GIT1: variants seen among roughly 807,000 people sequenced by gnomAD.
GIT1 encodes ARF GTPase-activating protein GIT1.
A neutral mutation model predicts 91.7 loss-of-function variants in GIT1; 14 were observed. The observed-to-expected ratio is 0.15, with a 90% CI of 0.10 to 0.24. The LOEUF is 0.24. Among genes scored for constraint, GIT1 ranks in the 10% least tolerant of loss-of-function variants. The pLI is 1.00. For missense variants in GIT1, 717 were observed against 1,024.9 expected (o/e 0.70, Z 4.10); for synonymous variants, 414 against 418.2 (o/e 0.99, Z 0.12).
chr17:29,577,498 A>G (rs1335191606), intron 10 of GIT1, 147 bp downstream of exon 10: 16 of 703,650 alleles, frequency 2.3e-5, no homozygotes, highest in African/African-American at 1.1e-4. Flanking sequence ...CAGCCTCCTG[A>G]CCTTCCCAAA....
In GIT1 at chr17:29,581,227, G is replaced by C. The variant is rs145227770; in HGVS notation, c.761+111C>G. 581 of 791,516 alleles carry C rather than the reference G, an allele frequency of 7.3e-4. 4 individuals are homozygous for C. In the East Asian group the frequency reaches 0.014, roughly 19 times the overall value. 49.0% of individuals were successfully genotyped at this position (791,516 alleles called of 1,614,324 possible). A position where few individuals can be genotyped will look rare whatever the true frequency, so the allele number is the denominator to read the frequency against. ...ACTAAGCTGTGCCTCTAGTCTCTGG[G>C]GGGAGGGAGCAGGGTCCTAGGCCTC... On this transcript the variant is annotated intron_variant, in intron 7 of 19. Coordinates refer to ENST00000225394, the MANE Select transcript of GIT1 (RefSeq NM_014030.4). The surrounding 1 kb of genome is among the most constrained non-coding windows in gnomAD (Gnocchi z 4.8).
At chr17:29,583,677 C>G (rs1342871187) in intron 1 of GIT1, 61 bp from the exon 2 acceptor site, 2 of 1,510,246 alleles carry the variant, frequency 1.3e-6, no homozygotes, top group Non-Finnish European at 1.8e-6. Flanking sequence ...TCCTGAGCAC[C>G]TGCTCTGGCC....
chr17:29,585,815 G>C (rs1243114377), intron 1 of GIT1, among the ~76,000 whole-genome samples: 1 of 152,194 alleles, frequency 6.6e-6, no homozygotes, highest in Non-Finnish European at 1.5e-5. Context: ...GACAGGAACT[G>C]TAAGGGAACT....
Position 29,575,473 on chromosome 17 carries a change from G to A in GIT1, c.1827-3C>T, listed in dbSNP as rs374087485. The A allele has an allele frequency of 6.3e-7, 1 of 1,599,440 alleles. No homozygotes were observed. Among genetic ancestry groups the A allele is most frequent in the Non-Finnish European group, 8.5e-7 (1 of 1,172,848 alleles). On this transcript the variant is annotated splice_region_variant and splice_polypyrimidine_tract_variant and intron_variant, in intron 17 of 19. Coordinates refer to ENST00000225394, the MANE Select transcript of GIT1 (RefSeq NM_014030.4). This position sits in a 1 kb window ranked among gnomAD's most constrained non-coding sequence, Gnocchi z 5.5. The stretch of plus-strand genomic sequence containing the variant: ...CTAGAAACCTCTTCCCTTCCAGCCT[G>A]AGGCCCAGGTCCAGAAAACAGAGAC...
At chr17:29,580,967 C>T (rs190834005) in intron 7 of GIT1, 16 of 255,058 alleles carry the variant, frequency 6.3e-5, no homozygotes, top group Middle Eastern at 1.5e-3. Flanking sequence ...TTGGTAGAGA[C>T]GGGGTTTCTC....
chr17:29,587,067 A>T (rs2033616598), intron 1 of GIT1, among the ~76,000 whole-genome samples: 2 of 151,814 alleles, frequency 1.3e-5, no homozygotes, highest in Non-Finnish European at 2.9e-5. Context: ...CCCTGGCCCC[A>T]CTCCTGTGGT....
At chr17:29,579,368 G>GATACGGC in intron 7 of GIT1, 3 of 290,038 alleles carry the variant, frequency 1.0e-5, no homozygotes, top group South Asian at 9.8e-5. Context: ...GTGATTTTTT[G>GATACGGC]GATACACCTG....
chr17:29,578,965 T>A, intron 7 of GIT1, 186 bp from the exon 8 acceptor site: 1 of 1,613,890 alleles, frequency 6.2e-7, no homozygotes, highest in Non-Finnish European at 8.5e-7. Flanking sequence ...CATATACCTC[T>A]GAGACATGCA....
At chr17:29,580,383 GC>G (rs2033357358) in intron 7 of GIT1, among the ~76,000 whole-genome samples, 1 of 152,222 alleles carries the variant, frequency 6.6e-6, no homozygotes, top group Non-Finnish European at 1.5e-5. Flanking sequence ...GCCTGGTTAT[GC>G]CCATCTGCCC....
intron 4 of GIT1, 66 bp downstream of exon 4, chr17:29,582,632 C>A (rs2033440373): frequency 9.1e-6 from 10 of 1,093,338 alleles, no homozygotes; most frequent in Admixed American, 1.8e-5. Context: ...AAAGGAGAGG[C>A]CTTCAGAGAG....
At chr17:29,584,891 C>T (rs1012443523) in intron 1 of GIT1, among the ~76,000 whole-genome samples, 1 of 151,424 alleles carries the variant, frequency 6.6e-6, no homozygotes, top group Non-Finnish European at 1.5e-5. Context: ...GCTCTGCCCA[C>T]AGCAAGTGAC....
In GIT1 at chr17:29,575,114, A is replaced by G. The variant is rs368719934; in HGVS notation, c.2038T>C (p.Leu680=). 3.1e-6 allele frequency: 5 copies of G among 1,601,398 alleles called. No individual in the cohort carries two copies. The African/African-American group carries it at 4.0e-5, about 13-fold the overall frequency. Residue 680 remains leucine, a synonymous_variant, in exon 19 of 20, where the codon TTG becomes CTG. Transcript: ENST00000225394. This position sits in a 1 kb window ranked among gnomAD's most constrained non-coding sequence, Gnocchi z 5.5. The part of the protein sequence containing the change: ...SFVPCSEKIH[L]AVTEMASLFP... The stretch of plus-strand genomic sequence containing the variant: ...AGGGAGGCCATCTCGGTCACAGCCA[A>G]ATGGATCTTCTCTGAGCAGGGCACG...
In GIT1 at chr17:29,589,434, G is replaced by T. The variant is rs977491831; in HGVS notation, c.-56C>A. On this transcript the variant is annotated 5_prime_UTR_variant, in exon 1 of 20. Transcript: ENST00000225394. This position sits in a 1 kb window ranked among gnomAD's most constrained non-coding sequence, Gnocchi z 5.2. ...GGCCAGCGTGGGGGGCGCGGGCGGC[G>T]GGCCCGGGCGGCGGCGGCGGCCCCT... The T allele has an allele frequency of 2.6e-6, 2 of 763,388 alleles. No individual in the cohort carries two copies. Among genetic ancestry groups the T allele is most frequent in the African/African-American group, 1.9e-5 (1 of 52,074 alleles). The allele number at this position is 763,388 out of a possible 1,614,324, so 47.3% of individuals were successfully genotyped here. A position where few individuals can be genotyped will look rare whatever the true frequency, so the allele number is the denominator to read the frequency against.
At chr17:29,582,497 T>C (rs1348313121) in intron 4 of GIT1, among the ~76,000 whole-genome samples, 1 of 152,236 alleles carries the variant, frequency 6.6e-6, no homozygotes, top group Non-Finnish European at 1.5e-5. Context: ...CTTCTAGCCT[T>C]GTGTGTCTAC....
At position 29,575,294 on chromosome 17, in the gene GIT1, T is replaced by C; in HGVS notation, c.2003A>G (p.His668Arg). The change falls in exon 18 of 20, where the codon CAT becomes CGT. Residue 668 changes from histidine to arginine, a missense_variant. Around this residue, in one of 3 missense-constraint regions of GIT1, gnomAD observed 134 missense variants for 223.8 expected, o/e 0.60. Transcript: ENST00000225394. This position sits in a 1 kb window ranked among gnomAD's most constrained non-coding sequence, Gnocchi z 5.5. ...CTCCCCCTCCACTCAGTACCTGTCA[T>C]GCTTGAACTCCTGGGCTGCCCGCAA... ...ELLRAAQEFK[H>R]DSFVPCSEKI... The C allele has an allele frequency of 6.2e-7, 1 of 1,611,438 alleles. No homozygotes were observed. Among genetic ancestry groups the C allele is most frequent in the Non-Finnish European group, 8.5e-7 (1 of 1,178,902 alleles).
chr17:29,584,218 G>A (rs1430443969), intron 1 of GIT1, among the ~76,000 whole-genome samples: 1 of 152,228 alleles, frequency 6.6e-6, no homozygotes, highest in African/African-American at 2.4e-5. Flanking sequence ...GGTACATTAT[G>A]TGTGATGCTG....
At chr17:29,578,434 C>T in intron 8 of GIT1, 63 bp from the exon 9 acceptor site, 1 of 1,459,370 alleles carries the variant, frequency 6.9e-7, no homozygotes. Context: ...AAGGCCAGCT[C>T]CCCAGCATGT....
rs2033192232 is a variant in GIT1, at chr17:29,576,216, TCA to T, written c.1611+2_1611+3del. ...CCACACCTTGAGACCCATAGGTGAC[TCA>T]CAGTGCTGTGGAAAGGCTGCAGCCG... On this transcript the variant is annotated splice_donor_variant and splice_donor_region_variant and intron_variant, in intron 14 of 19. Coordinates refer to ENST00000225394, the MANE Select transcript of GIT1 (RefSeq NM_014030.4). LOFTEE classifies it high-confidence loss of function. 2 of 1,606,822 alleles carry T rather than the reference TCA, an allele frequency of 1.2e-6. No homozygotes were observed. The highest frequency in any genetic ancestry group is 1.7e-6 in the Non-Finnish European group (2 of 1,174,580).
intron 1 of GIT1, chr17:29,583,843 C>T (rs1281898658): frequency 5.3e-6 from 3 of 570,640 alleles, no homozygotes; most frequent in Admixed American, 3.3e-5. Context: ...CATCCTTACC[C>T]CTCTGGGATA....
Sources: gnomAD v4.1 joint callset for allele counts (sites outside exome capture counted in the v4.1 genomes callset) on GRCh38, gnomAD v4.1.1 for gene constraint, gnomAD v4.1.1 regional missense constraint, Gnocchi (gnomAD v3.1) non-coding constraint, MANE v1.5 for transcripts, NCBI Gene and HGNC (gene_info 2026-07-23, HGNC 2026-07-21) for gene names.